WDR41: variants seen among roughly 807,000 people sequenced by gnomAD.
WDR41 encodes the protein WD repeat domain 41.
Under a neutral mutation model 69.3 loss-of-function variants are expected in WDR41, and 63 were observed. The ratio of observed to expected loss-of-function variants is 0.91; its 90% CI spans 0.74 to 1.12. The LOEUF is 1.12. Among genes scored for constraint, WDR41 ranks in the 50% most tolerant of loss-of-function variants. The pLI is 0.00. For missense variants in WDR41, 543 were observed against 534.5 expected, an observed-to-expected ratio of 1.02 and a Z score of -0.16; for synonymous variants, 185 against 192.1, an observed-to-expected ratio of 0.96 and a Z score of 0.31.
chr5:77,562,826 C>T (rs372075660), intron 1 of WDR41, among the ~76,000 whole-genome samples: 2 of 152,110 alleles, frequency 1.3e-5, no homozygotes, highest in East Asian at 1.9e-4. Flanking sequence ...ATTATTAGTG[C>T]GTCTGTAAAG....
In WDR41 at chr5:77,463,208, C is replaced by T. The variant is rs764037451; in HGVS notation, c.235G>A (p.Glu79Lys). The change falls in exon 4 of 13, where the codon GAA becomes AAA. Residue 79 changes from glutamate to lysine, a missense_variant. Physicochemically the swap from Glu to Lys is moderately conservative, Grantham distance 56. Transcript: ENST00000296679. ...WNAQTGEKLL[E>K]LNGHTQKITA... is the part of the protein sequence containing the mutation. ...ATCTTTTGAGTGTGTCCATTCAGTTCTAAAAGTTTTTCCCCTGTCTGAAAT... is the reference window on the plus strand; with the variant it reads ...ATCTTTTGAGTGTGTCCATTCAGTTTTAAAAGTTTTTCCCCTGTCTGAAAT... 8 of 1,607,648 alleles carry T rather than the reference C, an allele frequency of 5.0e-6. No homozygotes were observed.
chr5:77,569,076 A>G (rs976945593), intron 1 of WDR41, among the ~76,000 whole-genome samples: 1 of 152,142 alleles, frequency 6.6e-6, no homozygotes, highest in Non-Finnish European at 1.5e-5. Flanking sequence ...TTATGCTTTC[A>G]GGTTCTTTCA....
At chr5:77,577,383 G>C (rs1743854901) in intron 1 of WDR41, among the ~76,000 whole-genome samples, 1 of 119,502 alleles carries the variant, frequency 8.4e-6, no homozygotes, top group Non-Finnish European at 1.7e-5. Context: ...TAGGAAACAA[G>C]TATCATCAAT....
intron 1 of WDR41, among the ~76,000 whole-genome samples, chr5:77,500,952 G>A (rs1205203666): frequency 2.0e-5 from 3 of 152,220 alleles, no homozygotes; most frequent in African/African-American, 4.8e-5. Flanking sequence ...AGCTCCCAGC[G>A]TGATTGACAC....
intron 4 of WDR41, among the ~76,000 whole-genome samples, chr5:77,460,005 T>C (rs1489584531): frequency 2.0e-5 from 3 of 151,976 alleles, no homozygotes; most frequent in African/African-American, 4.8e-5. Flanking sequence ...AAGCCTATAG[T>C]TGGGCAAAAA....
chr5:77,600,445 G>C (rs1038598157), intron 1 of WDR41, among the ~76,000 whole-genome samples: 2 of 152,146 alleles, frequency 1.3e-5, no homozygotes, highest in Non-Finnish European at 2.9e-5. Context: ...AGGGAGAAGG[G>C]ATTGACTACG....
chr5:77,511,211 C>T (rs775032141), intron 1 of WDR41, among the ~76,000 whole-genome samples: 7 of 152,136 alleles, frequency 4.6e-5, no homozygotes, highest in Non-Finnish European at 8.8e-5. Context: ...CTTACTTTCC[C>T]CTCTAACAAA....
Position 77,437,287 on chromosome 5 carries a change from T to C in WDR41, c.1093+49A>G, listed in dbSNP as rs183250325. 7.1e-5 allele frequency: 107 copies of C among 1,496,612 alleles called. 1 individual carries two copies. The African/African-American group carries it at 1.1e-3, about 15-fold the overall frequency. 92.7% of individuals were successfully genotyped at this position (1,496,612 alleles called of 1,614,324 possible). ...AATTGTCCTTCTCCTGCCTTTCACGTGAGAAAAAAGGAGAGAAAAAGACTA... is the reference window on the plus strand; with the variant it reads ...AATTGTCCTTCTCCTGCCTTTCACGCGAGAAAAAAGGAGAGAAAAAGACTA... On this transcript the variant is annotated intron_variant, in intron 11 of 12. Transcript: ENST00000296679.
chr5:77,602,418 G>C (rs1465125812), intron 1 of WDR41, among the ~76,000 whole-genome samples: 1 of 152,106 alleles, frequency 6.6e-6, no homozygotes, highest in African/African-American at 2.4e-5. Context: ...CAGATTACAG[G>C]CATGAGCCAT....
In WDR41 at chr5:77,463,164, AAATGT is replaced by A; in HGVS notation, c.274_278del (p.Thr92SerfsTer7). ...TCTCTTCACAAGATTCCAAGGAAGG[AAATGT>A]AATAATAGCTGTTATCTTTTGAGTG... On this transcript the variant is annotated frameshift_variant, in exon 4 of 13. Transcript: ENST00000296679. LOFTEE classifies it high-confidence loss of function. 1 of 1,612,914 alleles carries A rather than the reference AAATGT, an allele frequency of 6.2e-7. No homozygotes were observed.
At chr5:77,570,124 A>G (rs1365112538) in intron 1 of WDR41, among the ~76,000 whole-genome samples, 1 of 152,098 alleles carries the variant, frequency 6.6e-6, no homozygotes, top group Non-Finnish European at 1.5e-5. Flanking sequence ...ACCCAGCCAA[A>G]TCCAGTCTCT....
intron 1 of WDR41, among the ~76,000 whole-genome samples, chr5:77,542,321 G>A (rs531416192): frequency 6.6e-4 from 101 of 152,160 alleles, no homozygotes; most frequent in African/African-American, 2.3e-3. Context: ...ATAGCTAATG[G>A]GTGCTGGGCT....
intron 1 of WDR41, among the ~76,000 whole-genome samples, chr5:77,501,059 A>AGCAG (rs1376505394): frequency 1.3e-5 from 2 of 152,216 alleles, no homozygotes; most frequent in Non-Finnish European, 2.9e-5. Flanking sequence ...GGCAAGCCTA[A>AGCAG]GCAGGGCGAG....
intron 1 of WDR41, among the ~76,000 whole-genome samples, chr5:77,588,794 T>A (rs1744084100): frequency 6.6e-6 from 1 of 152,124 alleles, no homozygotes; most frequent in Non-Finnish European, 1.5e-5. Context: ...GTTTTTGTTT[T>A]AAAAAAAATC....
intron 1 of WDR41, among the ~76,000 whole-genome samples, chr5:77,508,861 AC>A (rs1802153591): frequency 6.6e-6 from 1 of 152,100 alleles, no homozygotes; most frequent in East Asian, 1.9e-4. Flanking sequence ...TGGGACAGTC[AC>A]CCTGGAATGA....
chr5:77,536,968 A>G (rs1372690234), intron 1 of WDR41, among the ~76,000 whole-genome samples: 1 of 152,204 alleles, frequency 6.6e-6, no homozygotes, highest in Non-Finnish European at 1.5e-5. Flanking sequence ...CTCATCTTTT[A>G]TTCTCTATGG....
At chr5:77,436,503 G>T in intron 11 of WDR41, 109 bp from the exon 12 acceptor site, 3 of 1,363,048 alleles carry the variant, frequency 2.2e-6, no homozygotes, top group Non-Finnish European at 3.0e-6. Context: ...TTTAGTCAAG[G>T]GCTAAGTGGA....
intron 1 of WDR41, among the ~76,000 whole-genome samples, chr5:77,590,957 G>A (rs1744127601): frequency 6.6e-6 from 1 of 151,942 alleles, no homozygotes; most frequent in Non-Finnish European, 1.5e-5. Flanking sequence ...CTAATGTTTG[G>A]AAATATTACT....
At chr5:77,467,341 T>C (rs1800350981) in intron 2 of WDR41, among the ~76,000 whole-genome samples, 2 of 151,976 alleles carry the variant, frequency 1.3e-5, no homozygotes, top group African/African-American at 4.8e-5. Context: ...TTCAGTGTGA[T>C]TCCGTGCTAG....
Sources: gnomAD v4.1 joint callset for allele counts (sites outside exome capture counted in the v4.1 genomes callset) on GRCh38, gnomAD v4.1.1 for gene constraint, MANE v1.5 for transcripts, NCBI Gene and HGNC (gene_info 2026-07-23, HGNC 2026-07-21) for gene names.